The following ZFPM2 variants were observed in gnomAD, a reference collection of about 807,000 sequenced individuals.
ZFPM2 encodes zinc finger protein, FOG family member 2, also known as zinc finger protein ZFPM2.
Under a neutral mutation model 98.6 loss-of-function variants are expected in ZFPM2, and 20 were observed. The observed-to-expected ratio is 0.20, with a 90% CI of 0.14 to 0.29. The LOEUF (loss-of-function observed/expected upper bound fraction) is 0.29. Among genes scored for constraint, ZFPM2 ranks in the 10% least tolerant of loss-of-function variants. ZFPM2 has a pLI of 1.00. For synonymous variants in ZFPM2, 518 were observed against 502.7 expected (o/e 1.03, Z -0.41); for missense variants, 1,310 against 1,388.6 (o/e 0.94, Z 0.90).
chr8:105,393,133 C>T, intron 1 of ZFPM2, among the ~76,000 whole-genome samples: 2 of 152,056 alleles, frequency 1.3e-5, no homozygotes, highest in Non-Finnish European at 2.9e-5. Flanking sequence ...CCTCTAATAT[C>T]CAGGTGAAGA....
chr8:105,717,794 C>T (rs536804891), intron 5 of ZFPM2, among the ~76,000 whole-genome samples: 4 of 151,726 alleles, frequency 2.6e-5, no homozygotes, highest in Non-Finnish European at 5.9e-5. Context: ...GTTTTCATTG[C>T]ACCATCTTGT....
intron 2 of ZFPM2, among the ~76,000 whole-genome samples, chr8:105,441,136 CAG>C (rs1417127454): frequency 6.6e-6 from 1 of 152,034 alleles, no homozygotes; most frequent in African/African-American, 2.4e-5. Flanking sequence ...GCCTGGGTGA[CAG>C]AGTGAGACTC....
chr8:105,557,420 A>C lies in ZFPM2; in HGVS notation c.302-3943A>C, dbSNP rs1042983738. Among the ~76,000 whole-genome samples, 45 of 151,586 alleles carry C rather than the reference A, an allele frequency of 3.0e-4. 1 individual carries two copies. Among genetic ancestry groups the C allele is most frequent in the Admixed American group, 2.9e-3 (44 of 15,206 alleles). ...TTAATATCAACATTACCAAACTATA[A>C]CTCCTTATTTTACTCTTAATTCTTG... On this transcript the variant is annotated intron_variant, in intron 3 of 7. Coordinates refer to ENST00000407775, the MANE Select transcript of ZFPM2 (RefSeq NM_012082.4).
chr8:105,726,403 A>T (rs1180905388), intron 5 of ZFPM2, among the ~76,000 whole-genome samples: 1 of 151,844 alleles, frequency 6.6e-6, no homozygotes, highest in East Asian at 1.9e-4. Context: ...ATTCATAATG[A>T]TAAAAAGGGA....
At chr8:105,633,807 A>C (rs2130838675) in intron 4 of ZFPM2, among the ~76,000 whole-genome samples, 1 of 152,306 alleles carries the variant, frequency 6.6e-6, no homozygotes, top group Non-Finnish European at 1.5e-5. Flanking sequence ...GTTGCTCAGG[A>C]CAGAGCTTTG....
chr8:105,645,927 C>T (rs1435448874), intron 5 of ZFPM2, among the ~76,000 whole-genome samples: 1 of 151,856 alleles, frequency 6.6e-6, no homozygotes, highest in Non-Finnish European at 1.5e-5. Flanking sequence ...GTGGCACACA[C>T]CTGTAGTCCC....
rs79308068 is a variant in ZFPM2, at chr8:105,542,183, G to A, written c.302-19180G>A. Among the ~76,000 whole-genome samples, 894 of 152,104 alleles carry A rather than the reference G, an allele frequency of 5.9e-3. 11 individuals carry two copies. The highest frequency in any genetic ancestry group is 0.051 in the South Asian group (244 of 4,814). On this transcript the variant is annotated intron_variant, in intron 3 of 7. Coordinates refer to ENST00000407775, the MANE Select transcript of ZFPM2 (RefSeq NM_012082.4). ...TTGATTGATAGTGAGTAAAAATATCGTAATGTTCTACAAATACGCAATACA... is the reference window on the plus strand; with the variant it reads ...TTGATTGATAGTGAGTAAAAATATCATAATGTTCTACAAATACGCAATACA...
rs548036148 is a variant in ZFPM2, at chr8:105,715,804, A to G, written c.533-72914A>G. Among the ~76,000 whole-genome samples, 20 of 152,126 alleles carry G rather than the reference A, an allele frequency of 1.3e-4. No homozygotes were observed. In the South Asian group the frequency reaches 3.9e-3, roughly 30 times the overall value. On this transcript the variant is annotated intron_variant, in intron 5 of 7. Transcript: ENST00000407775. ...TCAGCTTCAGAATTCTCAACAGGGA[A>G]CAAGCATTGTAGATTCTTGGACTTT...
rs556443661 is a variant in ZFPM2, at chr8:105,561,418, A to G, written c.357A>G (p.Gln119=). 6.2e-6 allele frequency: 10 copies of G among 1,613,592 alleles called. No individual in the cohort carries two copies. In the African/African-American group the frequency reaches 1.3e-4, roughly 22 times the overall value. The part of the protein sequence containing the change: ...DGERKIQSRQ[Q]LPVGTTWGPF... Reference sequence around the variant, plus strand: ...AACGAAAAATTCAGAGTCGACAGCAACTTCCAGTGGGAACAACCTGGGGGC... The same window carrying G: ...AACGAAAAATTCAGAGTCGACAGCAGCTTCCAGTGGGAACAACCTGGGGGC... Residue 119 remains glutamine, a synonymous_variant, in exon 4 of 8, where the codon CAA becomes CAG. Transcript: ENST00000407775.
intron 4 of ZFPM2, among the ~76,000 whole-genome samples, chr8:105,614,926 T>C (rs1322266375): frequency 6.6e-6 from 1 of 152,162 alleles, no homozygotes; most frequent in Non-Finnish European, 1.5e-5. Context: ...ATGCTTGAGA[T>C]TTTACTATCA....
chr8:105,623,072 T>C (rs769963495), intron 4 of ZFPM2, among the ~76,000 whole-genome samples: 3 of 152,190 alleles, frequency 2.0e-5, no homozygotes, highest in Non-Finnish European at 4.4e-5. Context: ...ATTTATAATA[T>C]TTCTGTTACT....
In ZFPM2 at chr8:105,801,186, C is replaced by T. The variant is rs754226703; in HGVS notation, c.1104C>T (p.Cys368=). 4.3e-6 allele frequency: 7 copies of T among 1,613,934 alleles called. No homozygotes were observed. Among genetic ancestry groups the T allele is most frequent in the Non-Finnish European group, 4.2e-6 (5 of 1,179,880 alleles). Residue 368 remains cysteine, a synonymous_variant, in exon 8 of 8, where the codon TGC becomes TGT. Transcript: ENST00000407775. ...LTQAAFRCNH[C]HFGFQTQREL... ...AAGCTGCCTTCCGATGTAATCACTG[C>T]CATTTCGGCTTCCAGACTCAGAGGG...
intron 3 of ZFPM2, among the ~76,000 whole-genome samples, chr8:105,468,990 C>A (rs1454227949): frequency 6.7e-6 from 1 of 149,368 alleles, no homozygotes; most frequent in Admixed American, 6.6e-5. Flanking sequence ...GTGAGTGATT[C>A]TTTCTTGAAG....
intron 3 of ZFPM2, among the ~76,000 whole-genome samples, chr8:105,463,813 CATCCTTTTCAA>C (rs1812746840): frequency 6.6e-6 from 1 of 151,924 alleles, no homozygotes; most frequent in African/African-American, 2.4e-5. Flanking sequence ...ATTTTATTGC[CATCCTTTTCAA>C]ATTGAGAAAT....
intron 5 of ZFPM2, among the ~76,000 whole-genome samples, chr8:105,779,310 C>T (rs1232366116): frequency 6.6e-6 from 1 of 152,162 alleles, no homozygotes; most frequent in Non-Finnish European, 1.5e-5. Flanking sequence ...AGCTTAGGTC[C>T]ATATCTTGAT....
At chr8:105,472,594 C>A (rs1174732357) in intron 3 of ZFPM2, among the ~76,000 whole-genome samples, 6 of 152,136 alleles carry the variant, frequency 3.9e-5, no homozygotes, top group Non-Finnish European at 7.4e-5. Flanking sequence ...GCTCTGCCTC[C>A]CGGGTTCACA....
chr8:105,733,784 A>T (rs1411919286), intron 5 of ZFPM2, among the ~76,000 whole-genome samples: 2 of 151,878 alleles, frequency 1.3e-5, no homozygotes, highest in African/African-American at 4.8e-5. Flanking sequence ...GCTGTCACTT[A>T]CTGACTGTCA....
At chr8:105,694,511 A>G (rs569252420) in intron 5 of ZFPM2, among the ~76,000 whole-genome samples, 44 of 152,310 alleles carry the variant, frequency 2.9e-4, no homozygotes, top group Admixed American at 2.9e-3. Flanking sequence ...CCAATCTGTA[A>G]TATGAAAACT....
At chr8:105,796,696 T>TAA (rs1813828446) in intron 6 of ZFPM2, 2 of 152,168 alleles carry the variant, frequency 1.3e-5, no homozygotes, top group African/African-American at 4.8e-5. Flanking sequence ...TCACAAATTA[T>TAA]AAGATCAGCC....
Sources: allele counts gnomAD v4.1 joint callset (sites outside exome capture counted in the v4.1 genomes callset), GRCh38; gene constraint gnomAD v4.1.1; transcripts MANE v1.5; gene names NCBI Gene and HGNC (gene_info 2026-07-23, HGNC 2026-07-21).